Variants in KCNJ6 observed in about 807,000 individuals in gnomAD.
KCNJ6 encodes potassium inwardly rectifying channel subfamily J member 6, also known as G protein-activated inward rectifier potassium channel 2.
In KCNJ6, 9 loss-of-function variants were observed where a neutral mutation model predicts 34.2. The ratio of observed to expected loss-of-function variants is 0.26; its 90% CI spans 0.16 to 0.46. The LOEUF is 0.46. Ranked by LOEUF, KCNJ6 falls within the 20% of genes least tolerant of loss-of-function variation. The probability of loss-of-function intolerance (pLI) is 1.00; values close to 1 mark genes in which losing one functional copy is unlikely to be tolerated. For synonymous variants in KCNJ6, 196 were observed against 207.1 expected, an observed-to-expected ratio of 0.95 and a Z score of 0.46; for missense variants, 236 against 531.3, an observed-to-expected ratio of 0.44 and a Z score of 5.46.
At chr21:37,790,067 T>C (rs75701987) in intron 2 of KCNJ6, among the ~76,000 whole-genome samples, 2,593 of 152,326 alleles carry the variant, frequency 0.017, 73 homozygotes, top group African/African-American at 0.056. Context: ...GTCTCAGCTC[T>C]GACCAGTCTA....
At chr21:37,643,674 G>C (rs2054391285) in intron 3 of KCNJ6, among the ~76,000 whole-genome samples, 1 of 152,146 alleles carries the variant, frequency 6.6e-6, no homozygotes, top group South Asian at 2.1e-4. Context: ...TTGTCATCCT[G>C]TGCAAACTAT....
At chr21:37,843,205 C>T (rs150841652) in intron 1 of KCNJ6, among the ~76,000 whole-genome samples, 256 of 152,268 alleles carry the variant, frequency 1.7e-3, no homozygotes, top group Non-Finnish European at 3.1e-3. Context: ...ATTCTGGACC[C>T]CATTCTTGCT....
intron 2 of KCNJ6, among the ~76,000 whole-genome samples, chr21:37,785,088 C>T (rs559682175): frequency 6.6e-6 from 1 of 152,260 alleles, no homozygotes; most frequent in South Asian, 2.1e-4. Context: ...TCGGGAGCTG[C>T]ACAACAGCTG....
intron 2 of KCNJ6, among the ~76,000 whole-genome samples, chr21:37,790,902 A>C (rs2055213613): frequency 6.6e-6 from 1 of 152,242 alleles, no homozygotes; most frequent in Non-Finnish European, 1.5e-5. Context: ...TTCAAAGTTT[A>C]ATACCTCATC....
In KCNJ6 at chr21:37,675,319, A is replaced by G. The variant is rs543246345; in HGVS notation, c.946+38892T>C. Reference sequence around the variant, plus strand: ...TGAGACCTCAGAGAGGAAGGAATCAAGTTGGCGGGGATTTTTCCGCGAGTG... The same window carrying G: ...TGAGACCTCAGAGAGGAAGGAATCAGGTTGGCGGGGATTTTTCCGCGAGTG... On this transcript the variant is annotated intron_variant, in intron 3 of 3. Transcript: ENST00000609713. This position sits in a 1 kb window ranked among gnomAD's most constrained non-coding sequence, Gnocchi z 4.2. Among the ~76,000 whole-genome samples, 2 of 152,354 alleles carry G rather than the reference A, an allele frequency of 1.3e-5. No homozygotes were observed. The highest frequency in any genetic ancestry group is 4.8e-5 in the African/African-American group (2 of 41,594).
intron 2 of KCNJ6, among the ~76,000 whole-genome samples, chr21:37,755,143 G>A (rs2055017463): frequency 6.6e-6 from 1 of 152,100 alleles, no homozygotes; most frequent in South Asian, 2.1e-4. Flanking sequence ...CTTAGTGGAT[G>A]CAGAGTCAAG....
At position 37,624,413 on chromosome 21, in the gene KCNJ6, C is replaced by A. The variant is rs887672118; in HGVS notation, c.*746G>T. The A allele has an allele frequency of 1.3e-5, 2 of 152,106 alleles. No homozygotes were observed. The highest frequency in any genetic ancestry group is 2.9e-5 in the Non-Finnish European group (2 of 68,038). The allele number at this position is 152,106 out of a possible 1,614,324, so 9.4% of individuals were successfully genotyped here. A position where few individuals can be genotyped will look rare whatever the true frequency, so the allele number is the denominator to read the frequency against. Reference sequence around the variant, plus strand: ...CCAGCCGTCAACTGGATCAAAATAACCTGGAAAACACAGACATCAAAACAG... The same window carrying A: ...CCAGCCGTCAACTGGATCAAAATAAACTGGAAAACACAGACATCAAAACAG... On this transcript the variant is annotated 3_prime_UTR_variant, in exon 4 of 4. Transcript: ENST00000609713.
At chr21:37,855,122 C>G (rs180733284) in intron 1 of KCNJ6, among the ~76,000 whole-genome samples, 207 of 152,276 alleles carry the variant, frequency 1.4e-3, no homozygotes, top group African/African-American at 4.9e-3. Context: ...GAAATCATAC[C>G]GAGTATGCTC....
At chr21:37,777,857 A>G (rs1289118909) in intron 2 of KCNJ6, among the ~76,000 whole-genome samples, 1 of 152,092 alleles carries the variant, frequency 6.6e-6, no homozygotes, top group Admixed American at 6.6e-5. Context: ...AAGAATCTTA[A>G]CCTCATGGAA....
rs146298513 is a variant in KCNJ6, at chr21:37,805,572, T to C, written c.25+35086A>G. 2.7e-3 allele frequency among the ~76,000 whole-genome samples: 416 copies of C among 151,906 alleles called. 1 individual carries two copies. The highest frequency in any genetic ancestry group is 9.6e-3 in the African/African-American group (397 of 41,464). ...GCCATGAGCCCCCTGAAGTCCCTGC[T>C]GTGTTCCCTTCTTGTTTATTGATTT... On this transcript the variant is annotated intron_variant, in intron 2 of 3. Transcript: ENST00000609713.
At chr21:37,686,915 G>A (rs963648491) in intron 3 of KCNJ6, among the ~76,000 whole-genome samples, 1 of 152,100 alleles carries the variant, frequency 6.6e-6, no homozygotes, top group Non-Finnish European at 1.5e-5. Flanking sequence ...GTGGGCAGAG[G>A]TGGGGTGGGC....
At chr21:37,730,129 T>C (rs777339828) in intron 2 of KCNJ6, among the ~76,000 whole-genome samples, 1 of 152,234 alleles carries the variant, frequency 6.6e-6, no homozygotes, top group Non-Finnish European at 1.5e-5. Context: ...AAGAAATCTA[T>C]TGCTCCTGAT....
In KCNJ6 at chr21:37,694,391, A is replaced by C. The variant is rs116204034; in HGVS notation, c.946+19820T>G. ...AAGGGGCATGGCCAGCTTTGGAGAA[A>C]GAGTACTGTTAGCATTTTTGGTATC... On this transcript the variant is annotated intron_variant, in intron 3 of 3. Coordinates refer to ENST00000609713, the MANE Select transcript of KCNJ6 (RefSeq NM_002240.5). Among the ~76,000 whole-genome samples, 273 of 152,338 alleles carry C rather than the reference A, an allele frequency of 1.8e-3. 1 individual carries two copies. The highest frequency in any genetic ancestry group is 6.2e-3 in the African/African-American group (258 of 41,568).
At chr21:37,868,539 C>T (rs1026478340) in intron 1 of KCNJ6, among the ~76,000 whole-genome samples, 1 of 152,068 alleles carries the variant, frequency 6.6e-6, no homozygotes, top group Non-Finnish European at 1.5e-5. Context: ...GAGTTCCAGA[C>T]AAGGGAGGAG....
chr21:37,681,203 G>A (rs1372072126), intron 3 of KCNJ6, among the ~76,000 whole-genome samples: 2 of 152,266 alleles, frequency 1.3e-5, no homozygotes, highest in African/African-American at 2.4e-5. Context: ...ACAATGCCAA[G>A]GTGTAGGGTT....
At chr21:37,727,857 C>G (rs1569453033) in intron 2 of KCNJ6, among the ~76,000 whole-genome samples, 1 of 152,106 alleles carries the variant, frequency 6.6e-6, no homozygotes, top group Non-Finnish European at 1.5e-5. Context: ...CAAGAATGCT[C>G]TATTTCAGTT....
At position 37,614,452 on chromosome 21, in the gene KCNJ6, G is replaced by GTGTCTGTCTGCGTGTGTGTGTATGCA. The variant is rs2054254670; in HGVS notation, c.*10706_*10707insTGCATACACACACACGCAGACAGACA. The GTGTCTGTCTGCGTGTGTGTGTATGCA allele has an allele frequency of 1.5e-5, 2 of 134,836 alleles. No homozygotes were observed. Among genetic ancestry groups the GTGTCTGTCTGCGTGTGTGTGTATGCA allele is most frequent in the African/African-American group, 5.7e-5 (2 of 35,248 alleles). The allele number at this position is 134,836 out of a possible 1,614,324, so 8.4% of individuals were successfully genotyped here. A position where few individuals can be genotyped will look rare whatever the true frequency, so the allele number is the denominator to read the frequency against. On this transcript the variant is annotated 3_prime_UTR_variant, in exon 4 of 4. Transcript: ENST00000609713. ...TGCGTGTATCTCTGTGTGTATGCAT[G>GTGTCTGTCTGCGTGTGTGTGTATGCA]TGTCTGTGTCTGCGTGTGTGTGTAT...
intron 2 of KCNJ6, among the ~76,000 whole-genome samples, chr21:37,800,282 C>T (rs140876284): frequency 4.7e-4 from 71 of 152,170 alleles, no homozygotes; most frequent in African/African-American, 1.4e-3. Context: ...GAGGATGTGG[C>T]GTGGGATGAC....
chr21:37,707,719 G>T (rs1226847206), intron 3 of KCNJ6, among the ~76,000 whole-genome samples: 1 of 150,704 alleles, frequency 6.6e-6, no homozygotes, highest in Admixed American at 6.6e-5. Context: ...TTTAGTATCT[G>T]TGCATGTGTG....
Sources: allele counts gnomAD v4.1 joint callset (sites outside exome capture counted in the v4.1 genomes callset), GRCh38; gene constraint gnomAD v4.1.1; non-coding constraint Gnocchi (gnomAD v3.1); transcripts MANE v1.5; gene names NCBI Gene and HGNC (gene_info 2026-07-23, HGNC 2026-07-21).